BNC2: variants seen among roughly 807,000 people sequenced by gnomAD.
The protein encoded by BNC2 is zinc finger protein basonuclin-2.
Under a neutral mutation model 76.3 loss-of-function variants are expected in BNC2, and 20 were observed. The observed-to-expected ratio is 0.26, with a 90% CI of 0.18 to 0.38. BNC2 has a LOEUF of 0.38. BNC2 is among the 10% of genes least tolerant of loss of function. The pLI, the probability that BNC2 is intolerant of heterozygous loss-of-function variation, is 1.00. For synonymous variants in BNC2, 582 were observed against 514.8 expected (o/e 1.13, Z -1.77); for missense variants, 1,382 against 1,399.8 (o/e 0.99, Z 0.20).
At chr9:16,811,644 C>A (rs931040670) in intron 1 of BNC2, among the ~76,000 whole-genome samples, 23 of 147,300 alleles carry the variant, frequency 1.6e-4, no homozygotes, top group African/African-American at 4.0e-4. Flanking sequence ...CATATGTAAA[C>A]AGAAATGAGG....
chr9:16,727,063 G>A (rs753268561), intron 3 of BNC2: 5 of 152,256 alleles, frequency 3.3e-5, no homozygotes, highest in Non-Finnish European at 7.3e-5. Context: ...AGCGCGGCCG[G>A]GACGGAGGAG....
chr9:16,776,754 C>T (rs760010037), intron 1 of BNC2, among the ~76,000 whole-genome samples: 1 of 151,990 alleles, frequency 6.6e-6, no homozygotes, highest in Non-Finnish European at 1.5e-5. Flanking sequence ...ATGGGCAACA[C>T]GAAGGAAACA....
At chr9:16,518,581 T>A (rs1163430612) in intron 5 of BNC2, among the ~76,000 whole-genome samples, 4 of 130,710 alleles carry the variant, frequency 3.1e-5, no homozygotes, top group African/African-American at 1.4e-4. Flanking sequence ...TATATATATT[T>A]TTTGTTGTTG....
intron 3 of BNC2, among the ~76,000 whole-genome samples, chr9:16,616,566 G>A (rs1244796864): frequency 6.6e-6 from 1 of 151,228 alleles, no homozygotes; most frequent in African/African-American, 2.4e-5. Context: ...CAGCCCCATG[G>A]TCTCAGCAAC....
chr9:16,805,621 C>T (rs1311181435), intron 1 of BNC2, among the ~76,000 whole-genome samples: 2 of 152,060 alleles, frequency 1.3e-5, no homozygotes, highest in Non-Finnish European at 2.9e-5. Context: ...AGCCACTGTG[C>T]CTGGCAGGAA....
chr9:16,703,580 T>G (rs1186176936), intron 3 of BNC2, among the ~76,000 whole-genome samples: 1 of 152,176 alleles, frequency 6.6e-6, no homozygotes, highest in Non-Finnish European at 1.5e-5. Flanking sequence ...AGCTGATCGC[T>G]TATTGGTGTA....
intron 1 of BNC2, among the ~76,000 whole-genome samples, chr9:16,851,226 G>T (rs915405258): frequency 6.6e-6 from 1 of 152,142 alleles, no homozygotes; most frequent in Non-Finnish European, 1.5e-5. Flanking sequence ...TCAGTACAGC[G>T]GCTGGGTGCA....
intron 1 of BNC2, among the ~76,000 whole-genome samples, chr9:16,860,929 C>A (rs1031025512): frequency 7.2e-5 from 11 of 151,900 alleles, no homozygotes; most frequent in African/African-American, 2.4e-4. Flanking sequence ...GCCTGTAATG[C>A]CAGCTACTCG....
intron 1 of BNC2, among the ~76,000 whole-genome samples, chr9:16,808,479 CTTTTTTTTT>C (rs768028981): frequency 8.9e-5 from 7 of 78,678 alleles, no homozygotes; most frequent in African/African-American, 2.1e-4. Context: ...TCTTGGGCAA[CTTTTTTTTT>C]TTTTTTTTTT....
intron 1 of BNC2, among the ~76,000 whole-genome samples, chr9:16,855,532 A>G (rs1819231670): frequency 6.6e-6 from 1 of 152,218 alleles, no homozygotes; most frequent in African/African-American, 2.4e-5. Context: ...AACAATTTTT[A>G]AAAGCATCTT....
chr9:16,793,137 C>A (rs1373698935), intron 1 of BNC2, among the ~76,000 whole-genome samples: 1 of 152,180 alleles, frequency 6.6e-6, no homozygotes, highest in Non-Finnish European at 1.5e-5. Flanking sequence ...AAGTCAGACA[C>A]CAAAACAAAT....
At chr9:16,685,999 CAT>C (rs1822967145) in intron 3 of BNC2, among the ~76,000 whole-genome samples, 1 of 152,020 alleles carries the variant, frequency 6.6e-6, no homozygotes, top group Non-Finnish European at 1.5e-5. Flanking sequence ...ACATTGGTGA[CAT>C]AAATTTTTTC....
At chr9:16,707,480 C>G (rs552353119) in intron 3 of BNC2, among the ~76,000 whole-genome samples, 78 of 152,002 alleles carry the variant, frequency 5.1e-4, no homozygotes, top group Non-Finnish European at 9.4e-4. Context: ...AAGGATGAAC[C>G]GGGGCCTATG....
chr9:16,730,541 T>C (rs1363541909), intron 2 of BNC2, among the ~76,000 whole-genome samples: 3 of 152,192 alleles, frequency 2.0e-5, no homozygotes, highest in South Asian at 2.1e-4. Flanking sequence ...ATTTAGTTCA[T>C]AAACTCTCTC....
intron 4 of BNC2, among the ~76,000 whole-genome samples, chr9:16,568,629 T>C (rs1169614152): frequency 6.6e-6 from 1 of 152,038 alleles, no homozygotes; most frequent in Non-Finnish European, 1.5e-5. Flanking sequence ...AAGACTCAGC[T>C]CTCTTACCAG....
rs531314713 is a variant in BNC2, at chr9:16,597,107, T to G, written c.331-14022A>C. On this transcript the variant is annotated intron_variant, in intron 3 of 6. Coordinates refer to ENST00000380672, the MANE Select transcript of BNC2 (RefSeq NM_017637.6). ...TGTTTTTACATCAAAGTATATTAGC[T>G]ATTGACATAAGCTCGGTCCTCTTAA... 4.6e-5 allele frequency among the ~76,000 whole-genome samples: 7 copies of G among 152,254 alleles called. No individual in the cohort carries two copies. The South Asian group carries it at 1.5e-3, about 32-fold the overall frequency.
At chr9:16,497,978 G>GGGGTGT (rs377162462) in intron 5 of BNC2, among the ~76,000 whole-genome samples, 7 of 134,840 alleles carry the variant, frequency 5.2e-5, no homozygotes, top group East Asian at 2.3e-4. Flanking sequence ...AAGAAACTGT[G>GGGGTGT]GTGTGTGTGT....
intron 3 of BNC2, among the ~76,000 whole-genome samples, chr9:16,606,513 T>G (rs1820388921): frequency 6.6e-6 from 1 of 151,226 alleles, no homozygotes; most frequent in African/African-American, 2.4e-5. Flanking sequence ...TGAATGGGTC[T>G]CACAAGATCT....
chr9:16,741,237 T>A, intron 1 of BNC2, among the ~76,000 whole-genome samples: 1 of 152,130 alleles, frequency 6.6e-6, no homozygotes, highest in Non-Finnish European at 1.5e-5. Flanking sequence ...GCGGATCACC[T>A]GAGGTCAGGA....
Sources: gnomAD v4.1 joint callset for allele counts (sites outside exome capture counted in the v4.1 genomes callset) on GRCh38, gnomAD v4.1.1 for gene constraint, MANE v1.5 for transcripts, NCBI Gene and HGNC (gene_info 2026-07-23, HGNC 2026-07-21) for gene names.